WDPCP: variants seen among roughly 807,000 people sequenced by gnomAD.
WDPCP encodes WD repeat-containing and planar cell polarity effector protein fritz homolog.
Under a neutral mutation model 93.1 loss-of-function variants are expected in WDPCP, and 71 were observed. The ratio of observed to expected loss-of-function variants is 0.76; its 90% CI spans 0.63 to 0.93. The LOEUF (loss-of-function observed/expected upper bound fraction) is 0.93, where lower values mean the gene tolerates loss of function less well. Ranked by LOEUF, WDPCP falls within the 40% of genes least tolerant of loss-of-function variation. The pLI, the probability that WDPCP is intolerant of heterozygous loss-of-function variation, is 0.00. For missense variants in WDPCP, 844 were observed against 887.4 expected (o/e 0.95, Z 0.62); for synonymous variants, 315 against 315.0 (o/e 1.00, Z 0.00).
At position 63,788,031 on chromosome 2, in the gene WDPCP, A is replaced by T. The variant is rs1003757062; in HGVS notation, n.308+25591T>A. On this transcript the variant is annotated intron_variant and non_coding_transcript_variant, in intron 2 of 4. Transcript: ENST00000467687. The stretch of plus-strand genomic sequence containing the variant: ...ACTCTAGCCTAGGCAACAGAACAAG[A>T]CTCTGTCTCAAAAAATAAAATAAAA... Among the ~76,000 whole-genome samples the T allele has an allele frequency of 2.0e-5, 3 of 152,136 alleles. No homozygotes were observed. In the South Asian group the frequency reaches 6.2e-4, roughly 32 times the overall value.
chr2:63,422,258 G>A (rs935128715), intron 9 of WDPCP, among the ~76,000 whole-genome samples: 2 of 152,150 alleles, frequency 1.3e-5, no homozygotes, highest in African/African-American at 4.8e-5. Flanking sequence ...AGACTGCTGA[G>A]GCCATACAAA....
intron 2 of WDPCP, among the ~76,000 whole-genome samples, chr2:63,808,980 G>A (rs892687730): frequency 2.6e-5 from 4 of 151,504 alleles, no homozygotes; most frequent in Admixed American, 2.0e-4. Flanking sequence ...TGTGGGGAGC[G>A]CCTCTGCCCT....
intron 2 of WDPCP, among the ~76,000 whole-genome samples, chr2:63,703,322 G>A (rs1016194965): frequency 1.7e-4 from 26 of 152,176 alleles, no homozygotes; most frequent in Non-Finnish European, 3.8e-4. Flanking sequence ...GGTTGAACTA[G>A]TTTACAGTCC....
At chr2:63,143,432 G>A (rs1479057866) in intron 17 of WDPCP, among the ~76,000 whole-genome samples, 3 of 152,132 alleles carry the variant, frequency 2.0e-5, no homozygotes, top group African/African-American at 7.2e-5. Context: ...TGTTAGTATT[G>A]AAATATGAGG....
chr2:63,750,742 TG>T (rs113664277), intron 2 of WDPCP, among the ~76,000 whole-genome samples: 10 of 151,126 alleles, frequency 6.6e-5, no homozygotes, highest in East Asian at 1.9e-4. Flanking sequence ...AATGATCTTA[TG>T]TTTTTTTTCT....
intron 9 of WDPCP, among the ~76,000 whole-genome samples, chr2:63,426,876 G>A (rs1335685041): frequency 1.3e-5 from 2 of 152,076 alleles, no homozygotes; most frequent in Non-Finnish European, 2.9e-5. Flanking sequence ...TATGAAAGGG[G>A]AAAGAAACTA....
intron 2 of WDPCP, among the ~76,000 whole-genome samples, chr2:63,718,183 C>T (rs1669365287): frequency 6.6e-6 from 1 of 151,912 alleles, no homozygotes; most frequent in Admixed American, 6.6e-5. Context: ...TAGGTTGATT[C>T]CATATCTTAT....
At chr2:63,420,879 G>A (rs745498317) in intron 9 of WDPCP, among the ~76,000 whole-genome samples, 2 of 152,082 alleles carry the variant, frequency 1.3e-5, no homozygotes, top group Non-Finnish European at 2.9e-5. Context: ...TTTCCTGTTG[G>A]TAGGCATTTA....
intron 12 of WDPCP, among the ~76,000 whole-genome samples, chr2:63,332,142 T>C (rs1688025993): frequency 6.6e-6 from 1 of 150,994 alleles, no homozygotes; most frequent in South Asian, 2.1e-4. Context: ...ATGTATATGT[T>C]CCAACCATTC....
intron 2 of WDPCP, among the ~76,000 whole-genome samples, chr2:63,722,598 C>T (rs1251054781): frequency 7.5e-6 from 1 of 133,202 alleles, no homozygotes; most frequent in Non-Finnish European, 1.7e-5. Context: ...CCGCCCCGTC[C>T]GGGAGGGAGG....
intron 1 of WDPCP, among the ~76,000 whole-genome samples, chr2:63,494,321 G>A (rs1474126481): frequency 6.6e-6 from 1 of 152,078 alleles, no homozygotes; most frequent in Non-Finnish European, 1.5e-5. Context: ...TGACGATGAT[G>A]ATGATGATGG....
intron 12 of WDPCP, among the ~76,000 whole-genome samples, chr2:63,327,477 C>A (rs957033409): frequency 1.3e-5 from 2 of 152,198 alleles, no homozygotes; most frequent in African/African-American, 4.8e-5. Context: ...ATAACTAAAT[C>A]TATCCTTACT....
intron 17 of WDPCP, among the ~76,000 whole-genome samples, chr2:63,136,654 T>C (rs1242429418): frequency 6.6e-6 from 1 of 152,116 alleles, no homozygotes; most frequent in Admixed American, 6.6e-5. Flanking sequence ...ATCCAGGTAT[T>C]AAGCCTAGTA....
At chr2:63,286,513 C>G (rs1350341113) in intron 13 of WDPCP, among the ~76,000 whole-genome samples, 1 of 152,154 alleles carries the variant, frequency 6.6e-6, no homozygotes, top group South Asian at 2.1e-4. Flanking sequence ...CTAACTCCAC[C>G]GCCTATCCCA....
chr2:63,698,122 A>C (rs1477311317), intron 2 of WDPCP, among the ~76,000 whole-genome samples: 1 of 151,290 alleles, frequency 6.6e-6, no homozygotes, highest in Non-Finnish European at 1.5e-5. Context: ...TGCCTGGCTA[A>C]TTTTTGTATT....
chr2:63,584,762 G>A (rs1026535511), intron 1 of WDPCP, among the ~76,000 whole-genome samples: 1 of 152,024 alleles, frequency 6.6e-6, no homozygotes, highest in Non-Finnish European at 1.5e-5. Context: ...ATTAATAAAT[G>A]AAGATTTATA....
intron 1 of WDPCP, among the ~76,000 whole-genome samples, chr2:63,539,290 A>G (rs1004859546): frequency 6.6e-6 from 1 of 152,250 alleles, no homozygotes; most frequent in African/African-American, 2.4e-5. Flanking sequence ...CACTTGAAGT[A>G]AAAATTGTAC....
At chr2:63,366,567 G>T (rs1445902036) in intron 12 of WDPCP, among the ~76,000 whole-genome samples, 2 of 151,994 alleles carry the variant, frequency 1.3e-5, no homozygotes, top group African/African-American at 4.8e-5. Context: ...TTGTTACATG[G>T]ATTATCATAT....
chr2:63,392,517 A>C (rs1693349645), intron 10 of WDPCP, among the ~76,000 whole-genome samples: 1 of 152,222 alleles, frequency 6.6e-6, no homozygotes, highest in South Asian at 2.1e-4. Flanking sequence ...AATGGCAACA[A>C]AAGCCAAAAT....
Sources: allele counts gnomAD v4.1 joint callset (sites outside exome capture counted in the v4.1 genomes callset), GRCh38; gene constraint gnomAD v4.1.1; transcripts MANE v1.5; gene names NCBI Gene and HGNC (gene_info 2026-07-23, HGNC 2026-07-21).